MTA3: variants seen among roughly 807,000 people sequenced by gnomAD.
MTA3 encodes the protein metastasis associated 1 family member 3.
A neutral mutation model predicts 83.5 loss-of-function variants in MTA3; 34 were observed. That is an observed-to-expected ratio of 0.41 (90% CI 0.31 to 0.54). The LOEUF (loss-of-function observed/expected upper bound fraction) is 0.54. Among genes scored for constraint, MTA3 ranks in the 20% least tolerant of loss-of-function variants. The pLI, the probability that MTA3 is intolerant of heterozygous loss-of-function variation, is 0.33. For synonymous variants in MTA3, 303 were observed against 252.7 expected, an observed-to-expected ratio of 1.20 and a Z score of -1.89; for missense variants, 761 against 726.4, an observed-to-expected ratio of 1.05 and a Z score of -0.55.
intron 14 of MTA3, among the ~76,000 whole-genome samples, chr2:42,709,854 C>A (rs1429150035): frequency 6.6e-6 from 1 of 152,176 alleles, no homozygotes; most frequent in Non-Finnish European, 1.5e-5. Flanking sequence ...TTATTTTCAA[C>A]ACATTTGGTC....
chr2:42,548,861 T>TATA (rs1676917396), intron 2 of MTA3, among the ~76,000 whole-genome samples: 8 of 7,486 alleles, frequency 1.1e-3, no homozygotes, highest in African/African-American at 6.2e-3. Flanking sequence ...ATATATATAA[T>TATA]ATATATATAT....
At chr2:42,692,897 G>A (rs1167725849) in intron 9 of MTA3, among the ~76,000 whole-genome samples, 1 of 152,202 alleles carries the variant, frequency 6.6e-6, no homozygotes, top group Non-Finnish European at 1.5e-5. Flanking sequence ...AGTCTTCACA[G>A]TCTGGGCTTG....
intron 6 of MTA3, among the ~76,000 whole-genome samples, chr2:42,651,282 G>A (rs1335087201): frequency 6.6e-6 from 1 of 152,134 alleles, no homozygotes; most frequent in Non-Finnish European, 1.5e-5. Flanking sequence ...GAAGGACTAG[G>A]ACATTACTGT....
At chr2:42,596,504 T>A (rs1681805618) in intron 3 of MTA3, among the ~76,000 whole-genome samples, 1 of 152,244 alleles carries the variant, frequency 6.6e-6, no homozygotes, top group Non-Finnish European at 1.5e-5. Context: ...CAGATTATTA[T>A]CAACTGTAAA....
At chr2:42,690,532 A>G (rs762463759) in intron 9 of MTA3, among the ~76,000 whole-genome samples, 26 of 151,478 alleles carry the variant, frequency 1.7e-4, no homozygotes, top group Non-Finnish European at 2.9e-4. Context: ...AGCATCCTAG[A>G]GCTGTTTTTT....
intron 2 of MTA3, among the ~76,000 whole-genome samples, chr2:42,519,015 ACACACACACACACACG>A (rs1369904587): frequency 1.5e-4 from 18 of 120,674 alleles, no homozygotes; most frequent in South Asian, 2.9e-4. Context: ...ACACACACAC[ACACACACACACACACG>A]AATATAGTAT....
At chr2:42,643,805 C>G (rs1191128356) in intron 5 of MTA3, among the ~76,000 whole-genome samples, 1 of 152,094 alleles carries the variant, frequency 6.6e-6, no homozygotes, top group Non-Finnish European at 1.5e-5. Flanking sequence ...AGGTGTCTTA[C>G]CTTGGAGTTA....
At position 42,554,289 on chromosome 2, in the gene MTA3, C is replaced by T. The variant is rs1677275000; in HGVS notation, c.-140-16148C>T. On this transcript the variant is annotated intron_variant, in intron 2 of 17. Coordinates refer to the MTA3 transcript ENST00000405592. ...CTATTCATGCCTACCTCTCCTCTTC[C>T]ATTGGATGGTGAACTCCTTGAGTCC... Among the ~76,000 whole-genome samples the T allele has an allele frequency of 1.3e-5, 2 of 152,130 alleles. 1 individual carries two copies. Among genetic ancestry groups the T allele is most frequent in the Non-Finnish European group, 2.9e-5 (2 of 68,018 alleles).
intron 2 of MTA3, among the ~76,000 whole-genome samples, chr2:42,495,457 C>T (rs1478696918): frequency 6.6e-6 from 1 of 151,974 alleles, no homozygotes; most frequent in Admixed American, 6.6e-5. Flanking sequence ...TTAGTGTCTA[C>T]TGGGTAGATA....
Position 42,745,824 on chromosome 2 carries a change from C to CTTTTTTTTTTTTTTTTTTTTTTTTTTTT in MTA3, c.1760-7542_1760-7541insTTTTTTTTTTTTTTTTTTTTTTTTTTTT, listed in dbSNP as rs146921280. On this transcript the variant is annotated intron_variant, in intron 16 of 16. Coordinates refer to ENST00000405094, the MANE Select transcript of MTA3 (RefSeq NM_001330442.2). ...TTTTATGTCCTTTTGAAATAGTCCT[C>CTTTTTTTTTTTTTTTTTTTTTTTTTTTT]TTTTTTTTGAGACAGAGTCTCGCTC... is the stretch of plus-strand genomic sequence containing the variant. Among the ~76,000 whole-genome samples, 27 of 119,412 alleles carry CTTTTTTTTTTTTTTTTTTTTTTTTTTTT rather than the reference C, an allele frequency of 2.3e-4. 2 individuals carry two copies. Among genetic ancestry groups the CTTTTTTTTTTTTTTTTTTTTTTTTTTTT allele is most frequent in the East Asian group, 5.8e-4 (2 of 3,424 alleles). 78.3% of individuals were successfully genotyped at this position (119,412 alleles called of 152,430 possible).
chr2:42,508,358 G>C (rs1674732540), intron 2 of MTA3, among the ~76,000 whole-genome samples: 1 of 152,032 alleles, frequency 6.6e-6, no homozygotes, highest in Non-Finnish European at 1.5e-5. Context: ...CTTTGAGACA[G>C]TCTTGCTTTG....
intron 2 of MTA3, among the ~76,000 whole-genome samples, chr2:42,500,995 A>G (rs965989077): frequency 6.6e-6 from 1 of 152,054 alleles, no homozygotes; most frequent in Non-Finnish European, 1.5e-5. Context: ...TATTTTTAGT[A>G]GAGACGGGGT....
At chr2:42,600,970 G>A (rs1221685177) in intron 3 of MTA3, among the ~76,000 whole-genome samples, 1 of 152,006 alleles carries the variant, frequency 6.6e-6, no homozygotes, top group Non-Finnish European at 1.5e-5. Flanking sequence ...GCAGTAGCGT[G>A]TTCTTGGCTC....
chr2:42,606,141 G>A (rs1271631950), intron 3 of MTA3, among the ~76,000 whole-genome samples: 2 of 134,826 alleles, frequency 1.5e-5, no homozygotes, highest in Admixed American at 1.4e-4. Flanking sequence ...CAGTAGGGGC[G>A]GCCGGGCAGA....
At chr2:42,710,389 A>G (rs1014897256) in intron 14 of MTA3, among the ~76,000 whole-genome samples, 1 of 151,696 alleles carries the variant, frequency 6.6e-6, no homozygotes, top group African/African-American at 2.4e-5. Flanking sequence ...TGTCTCTACT[A>G]AATATACAAA....
At chr2:42,529,854 A>G (rs574039965) in intron 2 of MTA3, among the ~76,000 whole-genome samples, 1 of 152,308 alleles carries the variant, frequency 6.6e-6, no homozygotes, top group South Asian at 2.1e-4. Context: ...AAAATGCATC[A>G]ATCCAGATGA....
In MTA3 at chr2:42,748,108, A is replaced by C. The variant is rs1669578001; in HGVS notation, c.1760-5266A>C. On this transcript the variant is annotated intron_variant, in intron 16 of 16. Transcript: ENST00000405094. ...CAGTGGCGCGATCTCAGCTCTCTGC[A>C]ACCTCTGCCTCCTGGGTTCAAGCGA... is the stretch of plus-strand genomic sequence containing the variant. Among the ~76,000 whole-genome samples, 3 of 151,842 alleles carry C rather than the reference A, an allele frequency of 2.0e-5. No individual in the cohort carries two copies. In the South Asian group the frequency reaches 6.2e-4, roughly 31 times the overall value.
At chr2:42,720,968 A>G (rs1667365659) in intron 15 of MTA3, among the ~76,000 whole-genome samples, 1 of 150,700 alleles carries the variant, frequency 6.6e-6, no homozygotes, top group South Asian at 2.1e-4. Context: ...AAAAAAAAAA[A>G]AAAAAAGAAA....
chr2:42,575,215 C>T (rs1241796901), intron 2 of MTA3, among the ~76,000 whole-genome samples: 1 of 152,112 alleles, frequency 6.6e-6, no homozygotes, highest in African/African-American at 2.4e-5. Flanking sequence ...TATTTGTGTC[C>T]GTCCTACCCC....
Sources: gnomAD v4.1 joint callset for allele counts (sites outside exome capture counted in the v4.1 genomes callset) on GRCh38, gnomAD v4.1.1 for gene constraint, MANE v1.5 for transcripts, NCBI Gene and HGNC (gene_info 2026-07-23, HGNC 2026-07-21) for gene names.